The following UNC45A variants were observed in gnomAD, a reference collection of about 807,000 sequenced individuals.
The protein encoded by UNC45A is protein unc-45 homolog A.
UNC45A carries 78 observed loss-of-function variants against 103.2 expected under a neutral mutation model. The ratio of observed to expected loss-of-function variants is 0.76; its 90% CI spans 0.63 to 0.91. UNC45A has a LOEUF of 0.91. UNC45A is among the 40% of genes least tolerant of loss of function. The probability of loss-of-function intolerance (pLI) is 0.00; values close to 1 mark genes in which losing one functional copy is unlikely to be tolerated. For synonymous variants in UNC45A, 495 were observed against 504.6 expected, an observed-to-expected ratio of 0.98 and a Z score of 0.25; for missense variants, 1,193 against 1,224.8, an observed-to-expected ratio of 0.97 and a Z score of 0.39.
upstream of UNC45A, chr15:90,931,512 G>C: frequency 1.2e-6 from 2 of 1,614,168 alleles, no homozygotes; most frequent in Non-Finnish European, 1.7e-6. Flanking sequence ...CTGATGGAAT[G>C]AGCTGTCCTG....
chr15:90,948,451 G>T (rs2036695925), intron 12 of UNC45A, 168 bp downstream of exon 12: 1 of 1,272,008 alleles, frequency 7.9e-7, no homozygotes, highest in East Asian at 2.5e-5. Flanking sequence ...CACCAGTGGT[G>T]TTAGCAAGGA....
Position 90,935,776 on chromosome 15 carries a change from C to T in UNC45A, c.213+71C>T, listed in dbSNP as rs2035981898. On this transcript the variant is annotated intron_variant, in intron 2 of 19. Coordinates refer to ENST00000418476, the MANE Select transcript of UNC45A (RefSeq NM_018671.5). ...TCGCCCATCTAAGCTGATGCTTGGGCCCCAGCTGGACATTCACGCTCCCAG... is the reference window on the plus strand; with the variant it reads ...TCGCCCATCTAAGCTGATGCTTGGGTCCCAGCTGGACATTCACGCTCCCAG... The T allele has an allele frequency of 8.6e-6, 13 of 1,518,154 alleles. No homozygotes were observed. The South Asian group carries it at 1.4e-4, about 17-fold the overall frequency. The allele number at this position is 1,518,154 out of a possible 1,614,324, so 94.0% of individuals were successfully genotyped here. A position where few individuals can be genotyped will look rare whatever the true frequency, so the allele number is the denominator to read the frequency against.
intron 9 of UNC45A, 47 bp from the exon 10 acceptor site, chr15:90,946,567 C>G: frequency 6.5e-7 from 1 of 1,529,818 alleles, no homozygotes; most frequent in Non-Finnish European, 8.8e-7. Context: ...AAGAAGAGTC[C>G]CTTTATGTTG....
At chr15:90,949,545 G>A in intron 14 of UNC45A, 102 bp downstream of exon 14, 2 of 1,599,080 alleles carry the variant, frequency 1.3e-6, no homozygotes, top group African/African-American at 2.7e-5. Context: ...GGGCCTCTTA[G>A]AGCGACGGGG....
upstream of UNC45A, chr15:90,932,470 C>T: frequency 7.5e-7 from 1 of 1,326,268 alleles, no homozygotes; most frequent in Non-Finnish European, 9.6e-7. Flanking sequence ...GGGGTCCTTC[C>T]GCCGCTGCTG....
chr15:90,935,621 C>T lies in UNC45A; in HGVS notation c.129C>T (p.Ala43=), dbSNP rs769021788. The stretch of plus-strand genomic sequence containing the variant: ...GAGACTACGGGGGCGCCCTGGCGGC[C>T]TACACTCAGGCCCTGGGTCTGGACG... ...KCGDYGGALA[A]YTQALGLDAT... The change falls in exon 2 of 20, where the codon GCC becomes GCT. Residue 43 remains alanine, a synonymous_variant. Coordinates refer to ENST00000418476, the MANE Select transcript of UNC45A (RefSeq NM_018671.5). The T allele has an allele frequency of 6.2e-7, 1 of 1,613,076 alleles. No homozygotes were observed. Among genetic ancestry groups the T allele is most frequent in the Admixed American group, 1.7e-5 (1 of 59,852 alleles).
chr15:90,953,063 G>A lies in UNC45A; in HGVS notation c.2421+17G>A. ...AGCAAGGAGGTGAGGGTTGGTCTGG[G>A]TGCTCATGACAGGCGGGGATGCAGA... On this transcript the variant is annotated intron_variant, in intron 18 of 19. Transcript: ENST00000418476. 1 of 1,613,570 alleles carries A rather than the reference G, an allele frequency of 6.2e-7. No individual in the cohort carries two copies. Among genetic ancestry groups the A allele is most frequent in the Non-Finnish European group, 8.5e-7 (1 of 1,180,012 alleles).
intron 19 of UNC45A, 36 bp from the exon 20 acceptor site, chr15:90,953,423 T>A (rs2037043369): frequency 6.2e-7 from 1 of 1,608,676 alleles, no homozygotes. Context: ...TTGAGCCTGT[T>A]GCCCAGGGGT....
chr15:90,953,432 G>A, intron 19 of UNC45A, 27 bp from the exon 20 acceptor site: 29 of 1,611,236 alleles, frequency 1.8e-5, no homozygotes, highest in Non-Finnish European at 2.3e-5. Context: ...TTGCCCAGGG[G>A]TCATATCTAC....
rs541672600 is a variant in UNC45A at position 90,948,424 on chromosome 15, G to A, written c.1737+141G>A. The stretch of plus-strand genomic sequence containing the variant: ...TGGCTGAGTGGCTGCTCTGTGTAGT[G>A]TGGGCATGTTGGCCAGCACCAGTGG... On this transcript the variant is annotated intron_variant, in intron 12 of 19. Coordinates refer to ENST00000418476, the MANE Select transcript of UNC45A (RefSeq NM_018671.5). The A allele has an allele frequency of 1.7e-5, 23 of 1,365,348 alleles. No homozygotes were observed. The South Asian group carries it at 2.6e-4, about 16-fold the overall frequency. 84.6% of individuals were successfully genotyped at this position (1,365,348 alleles called of 1,614,324 possible).
At chr15:90,952,640 G>A in intron 17 of UNC45A, 1 of 375,142 alleles carries the variant, frequency 2.7e-6, no homozygotes, top group South Asian at 3.2e-5. Flanking sequence ...GGCCAGGCTG[G>A]TCTCGAACTC....
At chr15:90,943,634 A>G (rs2036407121) in intron 8 of UNC45A, among the ~76,000 whole-genome samples, 1 of 151,870 alleles carries the variant, frequency 6.6e-6, no homozygotes, top group South Asian at 2.1e-4. Flanking sequence ...GTGTGCACAT[A>G]CATGCACATT....
At chr15:90,940,056 G>A (rs2036211055) in intron 5 of UNC45A, among the ~76,000 whole-genome samples, 1 of 152,236 alleles carries the variant, frequency 6.6e-6, no homozygotes, top group Admixed American at 6.5e-5. Context: ...GGTGTACAGA[G>A]GTAACTGAGG....
chr15:90,949,708 G>C lies in UNC45A; in HGVS notation c.2061G>C (p.Gln687His). 1 of 1,614,184 alleles carries C rather than the reference G, an allele frequency of 6.2e-7. No individual in the cohort carries two copies. Among genetic ancestry groups the C allele is most frequent in the Non-Finnish European group, 8.5e-7 (1 of 1,180,032 alleles). ...EVEDRGTVVAQGGGRALIPLA... is the reference protein window; with the variant it reads ...EVEDRGTVVAHGGGRALIPLA... ...AGGACCGAGGCACTGTGGTTGCCCA[G>C]GGAGGCGGCAGGGTAAGCTGGTTTA... The change falls in exon 15 of 20, where the codon CAG becomes CAC. Residue 687 changes from glutamine to histidine, a missense_variant. By Grantham distance (24) the Gln-to-His change is conservative. Coordinates refer to ENST00000418476, the MANE Select transcript of UNC45A (RefSeq NM_018671.5).
chr15:90,940,556 TC>T, intron 6 of UNC45A, 83 bp downstream of exon 6: 1 of 1,504,604 alleles, frequency 6.6e-7, no homozygotes, highest in Non-Finnish European at 9.0e-7. Context: ...CATCTGTCCA[TC>T]CGCCCATCTG....
intron 4 of UNC45A, among the ~76,000 whole-genome samples, chr15:90,937,719 C>G (rs2036091672): frequency 1.3e-5 from 2 of 152,108 alleles, no homozygotes; most frequent in African/African-American, 4.8e-5. Flanking sequence ...AGCTCCTGAC[C>G]TTGTGATCTG....
At chr15:90,931,844 G>A, upstream of UNC45A, 1 of 1,614,122 alleles carries the variant, frequency 6.2e-7, no homozygotes, top group Non-Finnish European at 8.5e-7. Context: ...CTTGTCATCT[G>A]TTACCTCCTC....
chr15:90,943,795 TCTC>T (rs990147485), intron 8 of UNC45A, among the ~76,000 whole-genome samples: 27 of 151,234 alleles, frequency 1.8e-4, no homozygotes, highest in Non-Finnish European at 4.0e-4. Context: ...TTCAAGCAAA[TCTC>T]CTGCTTTAGC....
chr15:90,943,078 C>T lies in UNC45A; in HGVS notation c.1023C>T (p.Asp341=). 1.9e-6 allele frequency: 3 copies of T among 1,610,090 alleles called. No homozygotes were observed. The highest frequency in any genetic ancestry group is 2.5e-6 in the Non-Finnish European group (3 of 1,177,922). The change falls in exon 8 of 20, where the codon GAC becomes GAT. Residue 341 remains aspartate (D), a synonymous_variant. Transcript: ENST00000418476. ...PNNSLTLWVI[D]QGLKKILEVG... is the part of the protein sequence containing the mutation. ...ACAGCCTCACCCTCTGGGTCATCGA[C>T]CAAGGTAGGTGATATAGTTCACAAA...
Sources: gnomAD v4.1 joint callset for allele counts (sites outside exome capture counted in the v4.1 genomes callset) on GRCh38, gnomAD v4.1.1 for gene constraint, MANE v1.5 for transcripts, NCBI Gene and HGNC (gene_info 2026-07-23, HGNC 2026-07-21) for gene names.